Variants in AFG2A observed in about 807,000 individuals in gnomAD.
AFG2A encodes the protein ATPase family gene 2 protein homolog A.
At chr4:122,963,247 G>T in the AFG2A span, among the ~76,000 whole-genome samples, 1 of 152,140 alleles carries the variant, frequency 6.6e-6, no homozygotes, top group African/African-American at 2.4e-5. Flanking sequence ...AATGATCAGG[G>T]TGCATTCAGA....
chr4:123,219,837 T>A, the AFG2A span, among the ~76,000 whole-genome samples: 3,524 of 152,188 alleles, frequency 0.023, 68 homozygotes, highest in African/African-American at 0.055. Flanking sequence ...ATTTGTTCAA[T>A]CTCTGAACTA....
At chr4:123,253,291 T>C in the AFG2A span, among the ~76,000 whole-genome samples, 5 of 152,192 alleles carry the variant, frequency 3.3e-5, no homozygotes, top group Admixed American at 6.5e-5. Context: ...AAGACCAGCC[T>C]GGCCAGTATG....
chr4:122,964,266 G>A, the AFG2A span, among the ~76,000 whole-genome samples: 6 of 152,110 alleles, frequency 3.9e-5, no homozygotes, highest in African/African-American at 1.4e-4. Context: ...CACTTCGGGA[G>A]GCTGAGGCGG....
At chr4:123,271,536 T>C in the AFG2A span, among the ~76,000 whole-genome samples, 1 of 152,320 alleles carries the variant, frequency 6.6e-6, no homozygotes, top group East Asian at 1.9e-4. Context: ...ATATTGTCCC[T>C]AGACTAAGGG....
At chr4:123,298,246 G>C in the AFG2A span, among the ~76,000 whole-genome samples, 1 of 152,302 alleles carries the variant, frequency 6.6e-6, no homozygotes, top group South Asian at 2.1e-4. Flanking sequence ...TTGAGAAAAT[G>C]AGGGCTTTCT....
chr4:123,024,135 T>C, the AFG2A span, among the ~76,000 whole-genome samples: 1 of 149,090 alleles, frequency 6.7e-6, no homozygotes, highest in Non-Finnish European at 1.5e-5. Flanking sequence ...TTACAACTAT[T>C]CAAAGAAGCA....
the AFG2A span, chr4:123,317,961 G>A: frequency 6.6e-6 from 1 of 152,190 alleles, no homozygotes; most frequent in Admixed American, 6.5e-5. Flanking sequence ...CTTCAATTGT[G>A]TCAGTAATGT....
the AFG2A span, among the ~76,000 whole-genome samples, chr4:122,946,628 T>C: frequency 0.041 from 6,253 of 152,280 alleles, 414 homozygotes; most frequent in African/African-American, 0.14. Context: ...TAGTTCTTTA[T>C]TATTTGGTTT....
At chr4:123,264,455 T>G in the AFG2A span, among the ~76,000 whole-genome samples, 8 of 152,286 alleles carry the variant, frequency 5.3e-5, 1 homozygote, top group South Asian at 1.7e-3. Flanking sequence ...ATATTAAAAG[T>G]AAGGTGGATT....
chr4:123,159,208 T>A, the AFG2A span, among the ~76,000 whole-genome samples: 4 of 152,198 alleles, frequency 2.6e-5, no homozygotes, highest in African/African-American at 9.6e-5. Flanking sequence ...TTATAGATAA[T>A]TTATTATTTC....
chr4:123,218,721 T>G, the AFG2A span, among the ~76,000 whole-genome samples: 5 of 152,268 alleles, frequency 3.3e-5, no homozygotes, highest in African/African-American at 7.2e-5. Flanking sequence ...TTTCTGCTGC[T>G]TTCAACTTAA....
At chr4:123,201,467 G>C in the AFG2A span, among the ~76,000 whole-genome samples, 1,290 of 152,300 alleles carry the variant, frequency 8.5e-3, 16 homozygotes, top group African/African-American at 0.029. Flanking sequence ...GCTTGAATTT[G>C]CTAATCTTTA....
chr4:122,954,942 G>T, the AFG2A span, among the ~76,000 whole-genome samples: 1 of 152,064 alleles, frequency 6.6e-6, no homozygotes, highest in Admixed American at 6.6e-5. Flanking sequence ...TAAATGTGAT[G>T]GTCAGCCCGG....
At chr4:123,167,653 G>A in the AFG2A span, among the ~76,000 whole-genome samples, 6 of 152,088 alleles carry the variant, frequency 3.9e-5, no homozygotes, top group Non-Finnish European at 7.4e-5. Context: ...GGCCACAGCT[G>A]TGTTTCTTAA....
chr4:122,934,435 A>G, the AFG2A span: 1 of 1,614,248 alleles, frequency 6.2e-7, no homozygotes. Context: ...CAGTGGACTT[A>G]TGCTAGAGGA....
At chr4:123,199,618 C>T in the AFG2A span, among the ~76,000 whole-genome samples, 2 of 151,764 alleles carry the variant, frequency 1.3e-5, no homozygotes, top group East Asian at 1.9e-4. Flanking sequence ...ACTACAGGCA[C>T]GTGCCACCAC....
At chr4:123,197,232 A>G in the AFG2A span, among the ~76,000 whole-genome samples, 15 of 152,114 alleles carry the variant, frequency 9.9e-5, no homozygotes, top group African/African-American at 3.1e-4. Flanking sequence ...ATTATAGAAA[A>G]CGTTTGTTTA....
the AFG2A span, among the ~76,000 whole-genome samples, chr4:123,186,720 G>C: frequency 6.6e-6 from 1 of 152,150 alleles, no homozygotes; most frequent in Admixed American, 6.5e-5. Context: ...TGTATATACA[G>C]TTTTGTGATA....
the AFG2A span, among the ~76,000 whole-genome samples, chr4:123,016,925 G>C: frequency 1.3e-5 from 2 of 152,192 alleles, no homozygotes; most frequent in Non-Finnish European, 2.9e-5. Context: ...CTGGAGACCA[G>C]CCCGGCCAAC....
Sources: allele counts gnomAD v4.1 joint callset (sites outside exome capture counted in the v4.1 genomes callset), GRCh38; gene constraint gnomAD v4.1.1; transcripts MANE v1.5; gene names NCBI Gene and HGNC (gene_info 2026-07-23, HGNC 2026-07-21).